The following CERS6 variants were observed in gnomAD, a reference collection of about 807,000 sequenced individuals.
CERS6 encodes the protein LAG1 homolog, ceramide synthase 6.
CERS6 carries 26 observed loss-of-function variants against 56.8 expected under a neutral mutation model. The observed-to-expected ratio is 0.46, with a 90% CI of 0.34 to 0.63. The LOEUF is 0.63. Among genes scored for constraint, CERS6 ranks in the 30% least tolerant of loss-of-function variants. The probability of loss-of-function intolerance (pLI) is 0.01; values close to 1 mark genes in which losing one functional copy is unlikely to be tolerated. For missense variants in CERS6, 415 were observed against 467.5 expected (o/e 0.89, Z 1.04); for synonymous variants, 164 against 173.3 (o/e 0.95, Z 0.42).
chr2:168,623,248 ATAG>A (rs1287223744), intron 3 of CERS6, among the ~76,000 whole-genome samples: 1 of 152,170 alleles, frequency 6.6e-6, no homozygotes, highest in Non-Finnish European at 1.5e-5. Context: ...ATTACCAGGG[ATAG>A]GAGTGGGGGA....
chr2:168,596,629 C>G (rs1683806974), intron 3 of CERS6, among the ~76,000 whole-genome samples: 1 of 137,994 alleles, frequency 7.2e-6, no homozygotes, highest in Non-Finnish European at 1.5e-5. Context: ...TCTTGGCTCA[C>G]TGTAACTTCC....
chr2:168,563,060 T>C (rs181353443), intron 3 of CERS6, among the ~76,000 whole-genome samples: 1 of 152,206 alleles, frequency 6.6e-6, no homozygotes, highest in Non-Finnish European at 1.5e-5. Context: ...ATGCTGAGTC[T>C]ACTCCAGTTT....
At chr2:168,725,266 C>T (rs1282316524) in intron 8 of CERS6, among the ~76,000 whole-genome samples, 3 of 152,248 alleles carry the variant, frequency 2.0e-5, no homozygotes, top group South Asian at 2.1e-4. Flanking sequence ...CCCTGGTTCC[C>T]ACTCATGCCT....
intron 1 of CERS6, among the ~76,000 whole-genome samples, chr2:168,507,175 A>G (rs369740335): frequency 2.6e-5 from 4 of 152,298 alleles, no homozygotes; most frequent in Admixed American, 6.5e-5. Context: ...ATATTCTTCT[A>G]TATAACCAGT....
chr2:168,726,305 A>G (rs1261194539), intron 8 of CERS6, among the ~76,000 whole-genome samples: 2 of 152,200 alleles, frequency 1.3e-5, no homozygotes, highest in Admixed American at 1.3e-4. Context: ...GGTGCTTACT[A>G]TGTTCCATTT....
At chr2:168,615,790 CAT>C (rs760461826) in intron 3 of CERS6, among the ~76,000 whole-genome samples, 4 of 152,162 alleles carry the variant, frequency 2.6e-5, no homozygotes, top group Admixed American at 6.5e-5. Flanking sequence ...GTTTGGAAAA[CAT>C]ATTGGGGAGA....
chr2:168,682,087 GCA>G (rs1012259410), intron 4 of CERS6, among the ~76,000 whole-genome samples: 3 of 152,170 alleles, frequency 2.0e-5, no homozygotes, highest in African/African-American at 7.2e-5. Flanking sequence ...ACATGGGAAT[GCA>G]GATATCTCTT....
At chr2:168,676,378 G>A (rs570701006) in intron 4 of CERS6, among the ~76,000 whole-genome samples, 61 of 152,016 alleles carry the variant, frequency 4.0e-4, no homozygotes, top group Non-Finnish European at 5.7e-4. Context: ...ACTGATGTAC[G>A]GAGATCTTGC....
At chr2:168,500,315 G>A (rs180872660) in intron 1 of CERS6, among the ~76,000 whole-genome samples, 39 of 152,290 alleles carry the variant, frequency 2.6e-4, no homozygotes, top group Non-Finnish European at 4.1e-4. Context: ...ATTAGTAACA[G>A]GAGACAAATT....
intron 6 of CERS6, among the ~76,000 whole-genome samples, chr2:168,696,783 C>G (rs1417410299): frequency 6.6e-6 from 1 of 152,106 alleles, no homozygotes; most frequent in African/African-American, 2.4e-5. Flanking sequence ...GGCCCCATGT[C>G]CTAATACTAT....
chr2:168,718,541 T>C (rs1687283914), intron 8 of CERS6, among the ~76,000 whole-genome samples: 1 of 152,252 alleles, frequency 6.6e-6, no homozygotes, highest in Non-Finnish European at 1.5e-5. Flanking sequence ...ATTCTTTTCA[T>C]TAGCTGTATA....
intron 8 of CERS6, among the ~76,000 whole-genome samples, chr2:168,720,580 C>A (rs1016531227): frequency 6.6e-6 from 1 of 152,152 alleles, no homozygotes; most frequent in Non-Finnish European, 1.5e-5. Context: ...CAAATCCTGC[C>A]TCCACTGCTT....
intron 1 of CERS6, among the ~76,000 whole-genome samples, chr2:168,536,360 G>T (rs573580245): frequency 6.6e-6 from 1 of 152,238 alleles, no homozygotes; most frequent in East Asian, 1.9e-4. Context: ...GAGATCTAAT[G>T]TACATGAGGC....
chr2:168,720,260 A>G (rs1029400168), intron 8 of CERS6, among the ~76,000 whole-genome samples: 2 of 152,158 alleles, frequency 1.3e-5, no homozygotes, highest in African/African-American at 2.4e-5. Flanking sequence ...TCAACACATT[A>G]ATATTAAAAT....
At chr2:168,574,590 AGTT>A (rs1478574632) in intron 3 of CERS6, among the ~76,000 whole-genome samples, 3 of 152,272 alleles carry the variant, frequency 2.0e-5, no homozygotes, top group Non-Finnish European at 2.9e-5. Flanking sequence ...AACCTGATAA[AGTT>A]GTTATTTAAT....
intron 2 of CERS6, among the ~76,000 whole-genome samples, chr2:168,559,888 A>G (rs1401656442): frequency 1.3e-5 from 2 of 151,502 alleles, no homozygotes; most frequent in East Asian, 3.9e-4. Context: ...GCAAAGATAT[A>G]ATAAAGGAAT....
At chr2:168,760,677 C>T (rs980609111) in intron 8 of CERS6, among the ~76,000 whole-genome samples, 7 of 152,174 alleles carry the variant, frequency 4.6e-5, no homozygotes, top group African/African-American at 1.7e-4. Flanking sequence ...AAAAAAAGAA[C>T]AGTTTCCTCA....
chr2:168,544,980 C>T (rs576690194), intron 1 of CERS6, among the ~76,000 whole-genome samples: 32 of 151,846 alleles, frequency 2.1e-4, no homozygotes, highest in African/African-American at 7.7e-4. Context: ...AGCCGCTGGG[C>T]CCAGGAAAGT....
At position 168,774,102 on chromosome 2, in the gene CERS6, G is replaced by T. The variant is rs981956439; in HGVS notation, c.*4440G>T. 6.6e-6 allele frequency: 1 copy of T among 152,168 alleles called. No individual in the cohort carries two copies. Among genetic ancestry groups the T allele is most frequent in the African/African-American group, 2.4e-5 (1 of 41,442 alleles). 9.4% of individuals were successfully genotyped at this position (152,168 alleles called of 1,614,324 possible). On this transcript the variant is annotated 3_prime_UTR_variant, in exon 10 of 10. Transcript: ENST00000305747. ...GAGTTCAACCCAAAGCCTTTGAAAG[G>T]AATGCATTACCACATGACCACATGC...
Sources: allele counts gnomAD v4.1 joint callset (sites outside exome capture counted in the v4.1 genomes callset), GRCh38; gene constraint gnomAD v4.1.1; transcripts MANE v1.5; gene names NCBI Gene and HGNC (gene_info 2026-07-23, HGNC 2026-07-21).